GNG7: variants seen among roughly 807,000 people sequenced by gnomAD.
GNG7 encodes guanine nucleotide-binding protein G(I)/G(S)/G(O) subunit gamma-7.
GNG7 carries 1 observed loss-of-function variant against 4.0 expected under a neutral mutation model. The ratio of observed to expected loss-of-function variants is 0.25; its 90% CI spans 0.09 to 1.18. GNG7 has a LOEUF of 1.18. Among genes scored for constraint, GNG7 ranks in the 50% most tolerant of loss-of-function variants. The pLI, the probability that GNG7 is intolerant of heterozygous loss-of-function variation, is 0.50. For synonymous variants in GNG7, 34 were observed against 36.9 expected, an observed-to-expected ratio of 0.92 and a Z score of 0.29; for missense variants, 86 against 91.9, an observed-to-expected ratio of 0.94 and a Z score of 0.26.
In GNG7 at chr19:2,511,863, G is replaced by A. The variant is rs560019647; in HGVS notation, c.*3159C>T. The A allele has an allele frequency of 1.0e-6, 1 of 986,228 alleles. No homozygotes were observed. The highest frequency in any genetic ancestry group is 1.2e-6 in the Non-Finnish European group (1 of 830,214). The allele number at this position is 986,228 out of a possible 1,614,324, so 61.1% of individuals were successfully genotyped here. A position where few individuals can be genotyped will look rare whatever the true frequency, so the allele number is the denominator to read the frequency against. On this transcript the variant is annotated 3_prime_UTR_variant, in exon 5 of 5. Transcript: ENST00000382159. The surrounding 1 kb of genome is among the most constrained non-coding windows in gnomAD (Gnocchi z 6.3). ...GGTTACCCCTGGGGAGGGTGGGAGA[G>A]GGGTGAGGGTTCTGGCTCCTTCCTG...
intron 2 of GNG7, among the ~76,000 whole-genome samples, chr19:2,602,741 C>G (rs1054425684): frequency 6.6e-6 from 1 of 152,160 alleles, no homozygotes; most frequent in African/African-American, 2.4e-5. Context: ...AGAGGGCCAC[C>G]CGGCCCTCCC....
At chr19:2,538,074 C>A (rs900379814) in intron 3 of GNG7, 2 of 293,524 alleles carry the variant, frequency 6.8e-6, no homozygotes, top group Admixed American at 4.1e-5. Context: ...AAGACTCTCT[C>A]TCAAACAAAA....
rs1000450288 is a variant in GNG7, at chr19:2,660,438, A to G, written c.-134-14158T>C. Reference sequence around the variant, plus strand: ...CTGGACGTATATTTTTCATCTGTTTACCATGTTCCTGCCCTCAAAGGTACA... The same window carrying G: ...CTGGACGTATATTTTTCATCTGTTTGCCATGTTCCTGCCCTCAAAGGTACA... On this transcript the variant is annotated intron_variant, in intron 1 of 4. Transcript: ENST00000382159. 2.0e-5 allele frequency among the ~76,000 whole-genome samples: 3 copies of G among 152,324 alleles called. 1 individual carries two copies. Among genetic ancestry groups the G allele is most frequent in the Admixed American group, 2.0e-4 (3 of 15,296 alleles).
intron 2 of GNG7, among the ~76,000 whole-genome samples, chr19:2,588,416 C>A (rs936409537): frequency 6.6e-6 from 1 of 152,208 alleles, no homozygotes; most frequent in Non-Finnish European, 1.5e-5. Context: ...AGTAAACAGA[C>A]CTTAACGCAC....
intron 1 of GNG7, among the ~76,000 whole-genome samples, chr19:2,657,361 A>AAAATAT (rs1555701153): frequency 1.2e-4 from 2 of 16,320 alleles, no homozygotes; most frequent in Non-Finnish European, 2.0e-4. Context: ...AAAAAAAAAA[A>AAAATAT]ATATATATAT....
At chr19:2,620,860 C>T (rs1192177854) in intron 2 of GNG7, among the ~76,000 whole-genome samples, 1 of 152,152 alleles carries the variant, frequency 6.6e-6, no homozygotes, top group Non-Finnish European at 1.5e-5. Context: ...CAGACTCCTG[C>T]GGTGGAAATG....
intron 3 of GNG7, among the ~76,000 whole-genome samples, chr19:2,544,272 C>G (rs893317317): frequency 5.3e-5 from 8 of 152,194 alleles, no homozygotes; most frequent in African/African-American, 1.9e-4. Flanking sequence ...AAGTCGCCTT[C>G]GTACAGTGGC....
At chr19:2,652,456 C>A (rs542133478) in intron 1 of GNG7, among the ~76,000 whole-genome samples, 3 of 151,904 alleles carry the variant, frequency 2.0e-5, no homozygotes, top group Admixed American at 6.6e-5. Flanking sequence ...CCCGTCTCTA[C>A]TAAAAATATA....
chr19:2,626,375 G>A lies in GNG7; in HGVS notation c.-78+19849C>T, dbSNP rs564853343. Among the ~76,000 whole-genome samples the A allele has an allele frequency of 2.0e-5, 3 of 152,224 alleles. No homozygotes were observed. The highest frequency in any genetic ancestry group is 6.5e-5 in the Admixed American group (1 of 15,292). ...CTCAGTTTCCTAATCTGTCACACAG[G>A]GAGGCTGGACCCAAACCAATTGATT... On this transcript the variant is annotated intron_variant, in intron 2 of 4. Transcript: ENST00000382159. The surrounding 1 kb of genome is among the most constrained non-coding windows in gnomAD (Gnocchi z 5.0).
intron 1 of GNG7, among the ~76,000 whole-genome samples, chr19:2,647,532 A>T (rs976881103): frequency 2.0e-5 from 3 of 152,100 alleles, no homozygotes; most frequent in African/African-American, 7.2e-5. Context: ...CCCCATCTCT[A>T]CAAAATGACC....
intron 2 of GNG7, among the ~76,000 whole-genome samples, chr19:2,595,846 G>A (rs1981003442): frequency 2.0e-5 from 3 of 152,100 alleles, no homozygotes; most frequent in African/African-American, 7.2e-5. Flanking sequence ...GCATGTGTAG[G>A]AAAAGTCTAG....
chr19:2,618,601 G>A lies in GNG7; in HGVS notation c.-78+27623C>T, dbSNP rs976683212. Among the ~76,000 whole-genome samples the A allele has an allele frequency of 6.6e-6, 1 of 151,718 alleles. No homozygotes were observed. Among genetic ancestry groups the A allele is most frequent in the Non-Finnish European group, 1.5e-5 (1 of 67,956 alleles). On this transcript the variant is annotated intron_variant, in intron 2 of 4. Transcript: ENST00000382159. This position sits in a 1 kb window ranked among gnomAD's most constrained non-coding sequence, Gnocchi z 5.1. ...TGACCTCAAATGATCCACCCGCCTC[G>A]GCCTCCCAAAGTGCTGGGATTACAG...
intron 1 of GNG7, among the ~76,000 whole-genome samples, chr19:2,666,058 G>A (rs1185549810): frequency 6.6e-6 from 1 of 152,102 alleles, no homozygotes; most frequent in Non-Finnish European, 1.5e-5. Context: ...TAGAGACAGG[G>A]TTTCACCATG....
At chr19:2,562,963 G>C (rs192172713) in intron 2 of GNG7, among the ~76,000 whole-genome samples, 102 of 150,712 alleles carry the variant, frequency 6.8e-4, no homozygotes, top group African/African-American at 2.4e-3. Flanking sequence ...TTTGTTTTTT[G>C]AGACAGAGTC....
At chr19:2,589,397 A>G (rs1352929152) in intron 2 of GNG7, among the ~76,000 whole-genome samples, 1 of 97,014 alleles carries the variant, frequency 1.0e-5, no homozygotes, top group African/African-American at 4.3e-5. Context: ...TTTTTTTTTA[A>G]ATAGCAGAGA....
intron 1 of GNG7, among the ~76,000 whole-genome samples, chr19:2,680,890 C>T (rs918116030): frequency 5.9e-5 from 9 of 151,974 alleles, no homozygotes; most frequent in Admixed American, 2.6e-4. Context: ...CTGCAACCTT[C>T]GTCTCCCGAG....
rs1055095525 is a variant in GNG7, at chr19:2,532,257, G to A, written c.-37-11532C>T. Among the ~76,000 whole-genome samples the A allele has an allele frequency of 9.9e-5, 15 of 152,180 alleles. No homozygotes were observed. The South Asian group carries it at 2.3e-3, about 23-fold the overall frequency. ...ACTTTAAATTAATTGTGTTAATTAC[G>A]TTCAAAGAGATAAAAAGATGAGATT... On this transcript the variant is annotated intron_variant, in intron 3 of 4. Transcript: ENST00000382159.
At chr19:2,518,397 G>A (rs574144860) in intron 4 of GNG7, among the ~76,000 whole-genome samples, 30 of 152,330 alleles carry the variant, frequency 2.0e-4, no homozygotes, top group African/African-American at 7.2e-4. Context: ...TTTTCAGCCC[G>A]AAGGAATGCT....
At chr19:2,553,842 T>C (rs1037382869) in intron 3 of GNG7, among the ~76,000 whole-genome samples, 3 of 146,226 alleles carry the variant, frequency 2.1e-5, no homozygotes, top group South Asian at 2.1e-4. Context: ...TATGTAATAT[T>C]GCATACATGT....
Sources: gnomAD v4.1 joint callset for allele counts (sites outside exome capture counted in the v4.1 genomes callset) on GRCh38, gnomAD v4.1.1 for gene constraint, Gnocchi (gnomAD v3.1) non-coding constraint, MANE v1.5 for transcripts, NCBI Gene and HGNC (gene_info 2026-07-23, HGNC 2026-07-21) for gene names.